The following RSPO4 variants were observed in gnomAD, a reference collection of about 807,000 sequenced individuals.
The protein encoded by RSPO4 is R-spondin 4.
A neutral mutation model predicts 24.8 loss-of-function variants in RSPO4; 23 were observed. That is an observed-to-expected ratio of 0.93 (90% CI 0.67 to 1.31). The LOEUF is 1.31. Among genes scored for constraint, RSPO4 ranks in the 40% most tolerant of loss-of-function variants. The probability of loss-of-function intolerance (pLI) is 0.00; values close to 1 mark genes in which losing one functional copy is unlikely to be tolerated. For missense variants in RSPO4, 333 were observed against 316.5 expected (o/e 1.05, Z -0.39); for synonymous variants, 141 against 127.4 (o/e 1.11, Z -0.72).
chr20:998,559 C>G (rs954509710), intron 1 of RSPO4, among the ~76,000 whole-genome samples: 1 of 152,192 alleles, frequency 6.6e-6, no homozygotes, highest in South Asian at 2.1e-4. Context: ...CTGTGGGAAC[C>G]AGGCCTCAAG....
chr20:981,970 T>G lies in RSPO4; in HGVS notation c.80-13832A>C, dbSNP rs1006621167. ...TGGACCACATCTATTCTGCCCTCCA[T>G]TAGCTACTCATTAAGAGAAGTTACA... On this transcript the variant is annotated intron_variant, in intron 1 of 4. Transcript: ENST00000217260. The surrounding 1 kb of genome is among the most constrained non-coding windows in gnomAD (Gnocchi z 4.6). Among the ~76,000 whole-genome samples, 1 of 152,304 alleles carries G rather than the reference T, an allele frequency of 6.6e-6. No homozygotes were observed. The highest frequency in any genetic ancestry group is 2.4e-5 in the African/African-American group (1 of 41,580).
At chr20:969,602 C>A (rs1378313781) in intron 1 of RSPO4, among the ~76,000 whole-genome samples, 1 of 152,082 alleles carries the variant, frequency 6.6e-6, no homozygotes, top group Non-Finnish European at 1.5e-5. Flanking sequence ...GCCTGCACAT[C>A]CTTCCCGGCA....
chr20:1,001,082 T>C (rs1985446848), intron 1 of RSPO4, among the ~76,000 whole-genome samples: 1 of 152,218 alleles, frequency 6.6e-6, no homozygotes, highest in Non-Finnish European at 1.5e-5. Context: ...TCAGCAGTTA[T>C]TTAAACCAGT....
chr20:964,709 C>T (rs1237022736), intron 3 of RSPO4, among the ~76,000 whole-genome samples: 8 of 146,412 alleles, frequency 5.5e-5, no homozygotes, highest in African/African-American at 1.9e-4. Flanking sequence ...CACACACACA[C>T]ATATATATAT....
At chr20:973,492 G>A (rs1468652071) in intron 1 of RSPO4, among the ~76,000 whole-genome samples, 3 of 127,850 alleles carry the variant, frequency 2.3e-5, no homozygotes, top group Admixed American at 1.7e-4. Context: ...GTTTGTTTTT[G>A]AGATGGAGCC....
At chr20:964,659 G>A (rs1462612025) in intron 3 of RSPO4, among the ~76,000 whole-genome samples, 2 of 150,322 alleles carry the variant, frequency 1.3e-5, no homozygotes, top group Non-Finnish European at 3.0e-5. Flanking sequence ...TTCATAGGGG[G>A]TAATAAAAAT....
intron 1 of RSPO4, among the ~76,000 whole-genome samples, chr20:1,000,812 G>A (rs944859669): frequency 3.3e-5 from 5 of 152,092 alleles, no homozygotes; most frequent in African/African-American, 1.2e-4. Flanking sequence ...CGCCTCTCTA[G>A]TCCCTTGTCC....
chr20:964,170 C>T, intron 3 of RSPO4, 50 bp from the exon 4 acceptor site: 1 of 1,493,202 alleles, frequency 6.7e-7, no homozygotes, highest in Non-Finnish European at 9.1e-7. Context: ...GGTCAGCCGG[C>T]AGTGAGGGTC....
chr20:1,000,066 A>G (rs1370959293), intron 1 of RSPO4, among the ~76,000 whole-genome samples: 1 of 151,954 alleles, frequency 6.6e-6, no homozygotes, highest in African/African-American at 2.4e-5. Context: ...ACAGGGTTTC[A>G]TCATGTTAGC....
chr20:978,789 T>A (rs138399973), intron 1 of RSPO4, among the ~76,000 whole-genome samples: 2 of 152,146 alleles, frequency 1.3e-5, no homozygotes, highest in Non-Finnish European at 2.9e-5. Context: ...TTTGTGTAGA[T>A]GGAAGAAAGG....
In RSPO4 at chr20:967,281, T is replaced by C. The variant is rs760299043; in HGVS notation, c.302A>G (p.Gln101Arg). 1.1e-5 allele frequency: 17 copies of C among 1,614,122 alleles called. No homozygotes were observed. The highest frequency in any genetic ancestry group is 2.7e-5 in the African/African-American group (2 of 74,950). ...CCTCTTGCACCGGATGCAGAAGTCC[T>C]GGCTGAAGCAGCTCTCACAAGTGGC... Reference protein sequence around the residue: ...CGATCESCFSQDFCIRCKRQF... With the variant: ...CGATCESCFSRDFCIRCKRQF... Residue 101 changes from glutamine to arginine, a missense_variant, in exon 3 of 5, where the codon CAG becomes CGG. Coordinates refer to ENST00000217260, the MANE Select transcript of RSPO4 (RefSeq NM_001029871.4).
Position 967,278 on chromosome 20 carries a change from T to G in RSPO4, c.305A>C (p.Asp102Ala), listed in dbSNP as rs529579675. 6.2e-7 allele frequency: 1 copy of G among 1,614,226 alleles called. No individual in the cohort carries two copies. Among genetic ancestry groups the G allele is most frequent in the Non-Finnish European group, 8.5e-7 (1 of 1,180,038 alleles). ...CTGCCTCTTGCACCGGATGCAGAAG[T>G]CCTGGCTGAAGCAGCTCTCACAAGT... ...GATCESCFSQDFCIRCKRQFY... is the reference protein window; with the variant it reads ...GATCESCFSQAFCIRCKRQFY... Residue 102 changes from aspartate to alanine, a missense_variant, in exon 3 of 5, where the codon GAC becomes GCC. By Grantham distance (126) the Asp-to-Ala change is moderately radical. Coordinates refer to ENST00000217260, the MANE Select transcript of RSPO4 (RefSeq NM_001029871.4).
In RSPO4 at chr20:959,066, TG is replaced by T. The variant is rs1983888041; in HGVS notation, c.*1290del. 8.2e-6 allele frequency: 1 copy of T among 122,638 alleles called. No individual in the cohort carries two copies. Among genetic ancestry groups the T allele is most frequent in the Non-Finnish European group, 1.7e-5 (1 of 60,162 alleles). 7.6% of individuals were successfully genotyped at this position (122,638 alleles called of 1,614,324 possible). ...AGCGAAGCACAGATGCTCAAGTCACTGGTGGTGGGTGTGGGCGAGTGTGGTG... is the reference window on the plus strand; with the variant it reads ...AGCGAAGCACAGATGCTCAAGTCACTGTGGTGGGTGTGGGCGAGTGTGGTG... On this transcript the variant is annotated 3_prime_UTR_variant, in exon 5 of 5. Coordinates refer to ENST00000217260, the MANE Select transcript of RSPO4 (RefSeq NM_001029871.4).
At chr20:978,362 C>T (rs1315807192) in intron 1 of RSPO4, among the ~76,000 whole-genome samples, 2 of 152,182 alleles carry the variant, frequency 1.3e-5, no homozygotes, top group Non-Finnish European at 2.9e-5. Context: ...GCACAGCTCA[C>T]GGCAGATGAA....
intron 1 of RSPO4, among the ~76,000 whole-genome samples, chr20:984,847 C>A (rs1484908170): frequency 6.6e-6 from 1 of 152,118 alleles, no homozygotes; most frequent in Non-Finnish European, 1.5e-5. Flanking sequence ...GTTCACCCAT[C>A]CATCCATCCA....
At chr20:1,000,275 GCCTGCTTTGCTACTCA>G (rs1985421603) in intron 1 of RSPO4, among the ~76,000 whole-genome samples, 1 of 152,148 alleles carries the variant, frequency 6.6e-6, no homozygotes, top group Non-Finnish European at 1.5e-5. Flanking sequence ...TGGGATTCGA[GCCTGCTTTGCTACTCA>G]CCTGCTGTGC....
chr20:998,987 T>C (rs80210896), intron 1 of RSPO4, among the ~76,000 whole-genome samples: 11 of 95,086 alleles, frequency 1.2e-4, no homozygotes, highest in Admixed American at 4.9e-4. Context: ...CTCGCTCTCT[T>C]TTTTTTTTTT....
intron 1 of RSPO4, among the ~76,000 whole-genome samples, chr20:984,964 CATCT>C (rs1383346302): frequency 7.7e-6 from 1 of 129,434 alleles, no homozygotes. Context: ...CCCACCCACC[CATCT>C]ATCCATCCAC....
intron 1 of RSPO4, among the ~76,000 whole-genome samples, chr20:974,116 A>G (rs1984491888): frequency 6.6e-6 from 1 of 152,164 alleles, no homozygotes; most frequent in African/African-American, 2.4e-5. Context: ...GAAAGATCCA[A>G]ACTTGAAGGT....
Sources: allele counts gnomAD v4.1 joint callset (sites outside exome capture counted in the v4.1 genomes callset), GRCh38; gene constraint gnomAD v4.1.1; non-coding constraint Gnocchi (gnomAD v3.1); transcripts MANE v1.5; gene names NCBI Gene and HGNC (gene_info 2026-07-23, HGNC 2026-07-21).